Variants in ADAMTS16 observed in about 807,000 individuals in gnomAD.
ADAMTS16 encodes A disintegrin and metalloproteinase with thrombospondin motifs 16.
Under a neutral mutation model 145.8 loss-of-function variants are expected in ADAMTS16, and 94 were observed. That is an observed-to-expected ratio of 0.64 (90% CI 0.55 to 0.77). ADAMTS16 has a LOEUF of 0.77. Ranked by LOEUF, ADAMTS16 falls within the 30% of genes least tolerant of loss-of-function variation. The pLI, the probability that ADAMTS16 is intolerant of heterozygous loss-of-function variation, is 0.00. For missense variants in ADAMTS16, 1,585 were observed against 1,591.5 expected (o/e 1.00, Z 0.07); for synonymous variants, 659 against 604.3 (o/e 1.09, Z -1.33).
intron 8 of ADAMTS16, among the ~76,000 whole-genome samples, chr5:5,196,589 T>C (rs895248677): frequency 6.6e-6 from 1 of 152,228 alleles, no homozygotes; most frequent in Non-Finnish European, 1.5e-5. Flanking sequence ...TAGGATTTCT[T>C]GTCTGTTTCT....
rs1159149996 is a variant in ADAMTS16, at chr5:5,319,859, A to T, written c.*721A>T. ...TCATGCATTGAAGGAGAGATTTTTT[A>T]TACTTTATGTTTTATCTTTCTCAGT... is the stretch of plus-strand genomic sequence containing the variant. On this transcript the variant is annotated 3_prime_UTR_variant, in exon 23 of 23. Coordinates refer to ENST00000274181, the MANE Select transcript of ADAMTS16 (RefSeq NM_139056.4). 1 of 455,524 alleles carries T rather than the reference A, an allele frequency of 2.2e-6. No homozygotes were observed. The highest frequency in any genetic ancestry group is 4.4e-6 in the Non-Finnish European group (1 of 226,644). The allele number at this position is 455,524 out of a possible 1,614,324, so 28.2% of individuals were successfully genotyped here. A position where few individuals can be genotyped will look rare whatever the true frequency, so the allele number is the denominator to read the frequency against.
At chr5:5,171,319 T>G (rs1057201224) in intron 3 of ADAMTS16, among the ~76,000 whole-genome samples, 1 of 152,212 alleles carries the variant, frequency 6.6e-6, no homozygotes, top group African/African-American at 2.4e-5. Context: ...TGGATAACAG[T>G]GGTAAAAGTG....
Position 5,140,442 on chromosome 5 carries a change from C to T in ADAMTS16, c.-26C>T, listed in dbSNP as rs762864534. The T allele has an allele frequency of 1.3e-6, 2 of 1,500,344 alleles. No homozygotes were observed. Among genetic ancestry groups the T allele is most frequent in the Non-Finnish European group, 1.8e-6 (2 of 1,132,858 alleles). 92.9% of individuals were successfully genotyped at this position (1,500,344 alleles called of 1,614,324 possible). ...CTGCCGGCCGGGGACCCTCCGGTGG[C>T]CCCTAGCCCCTCGGAGCGCTCCTGG... On this transcript the variant is annotated 5_prime_UTR_variant, in exon 1 of 23. Coordinates refer to ENST00000274181, the MANE Select transcript of ADAMTS16 (RefSeq NM_139056.4).
At chr5:5,249,051 G>A (rs1737541639) in intron 17 of ADAMTS16, among the ~76,000 whole-genome samples, 2 of 152,328 alleles carry the variant, frequency 1.3e-5, no homozygotes, top group Non-Finnish European at 1.5e-5. Context: ...CCAGAGAGGT[G>A]TCTTCCAGTC....
At chr5:5,159,045 C>A (rs1734677201) in intron 3 of ADAMTS16, among the ~76,000 whole-genome samples, 1 of 152,222 alleles carries the variant, frequency 6.6e-6, no homozygotes, top group Non-Finnish European at 1.5e-5. Context: ...TCAACATTTA[C>A]CTTGTTTGGT....
chr5:5,197,243 T>C (rs1735829479), intron 8 of ADAMTS16, among the ~76,000 whole-genome samples: 1 of 152,250 alleles, frequency 6.6e-6, no homozygotes, highest in Non-Finnish European at 1.5e-5. Context: ...TTATTCAGCA[T>C]TCTCAGTATA....
At chr5:5,270,942 C>T (rs976155549) in intron 18 of ADAMTS16, among the ~76,000 whole-genome samples, 24 of 152,148 alleles carry the variant, frequency 1.6e-4, no homozygotes, top group African/African-American at 5.3e-4. Flanking sequence ...GGGAATAAGC[C>T]GCACTCTCCT....
At chr5:5,218,073 A>C (rs758063821) in intron 10 of ADAMTS16, among the ~76,000 whole-genome samples, 1 of 152,242 alleles carries the variant, frequency 6.6e-6, no homozygotes, top group Non-Finnish European at 1.5e-5. Flanking sequence ...GAAGACTCTG[A>C]AGTTTCATTA....
chr5:5,279,390 C>G (rs569441550), intron 18 of ADAMTS16, among the ~76,000 whole-genome samples: 3 of 152,320 alleles, frequency 2.0e-5, no homozygotes, highest in South Asian at 4.1e-4. Context: ...CCTCTAATCC[C>G]CAGTCCTTCA....
rs114237701 is a variant in ADAMTS16, at chr5:5,298,158, G to A, written c.2790-5110G>A. ...AACCAACTGTGGCTGGGAGGGATGA[G>A]CTGGCATGTTGCTGTCATTTCTGAT... On this transcript the variant is annotated intron_variant, in intron 18 of 22. Transcript: ENST00000274181. Among the ~76,000 whole-genome samples, 797 of 152,288 alleles carry A rather than the reference G, an allele frequency of 5.2e-3. 3 individuals are homozygous for A. The highest frequency in any genetic ancestry group is 8.6e-3 in the Non-Finnish European group (586 of 68,012).
Position 5,146,139 on chromosome 5 carries a change from T to C in ADAMTS16, c.185T>C (p.Leu62Pro). Reference sequence around the variant, plus strand: ...ACTCTTTTGATTTCAGAATATGACCTGGTCTCTGCCTACGAGGTTGACCAC... The same window carrying C: ...ACTCTTTTGATTTCAGAATATGACCCGGTCTCTGCCTACGAGGTTGACCAC... ...PGWMEKGEYD[L>P]VSAYEVDHRG... Residue 62 changes from leucine (L) to proline (P), a missense_variant, in exon 3 of 23, where the codon CTG becomes CCG. Physicochemically the swap from Leu to Pro is moderately conservative, Grantham distance 98 (BLOSUM62 -3). Transcript: ENST00000274181. 1 of 1,613,366 alleles carries C rather than the reference T, an allele frequency of 6.2e-7. No individual in the cohort carries two copies. Among genetic ancestry groups the C allele is most frequent in the Non-Finnish European group, 8.5e-7 (1 of 1,179,294 alleles).
chr5:5,184,833 G>A (rs918223812), intron 4 of ADAMTS16, among the ~76,000 whole-genome samples: 1 of 152,106 alleles, frequency 6.6e-6, no homozygotes, highest in Non-Finnish European at 1.5e-5. Context: ...CTGAGGGCCT[G>A]TAGCTGCTGA....
At chr5:5,271,806 C>T (rs886669239) in intron 18 of ADAMTS16, among the ~76,000 whole-genome samples, 4 of 152,114 alleles carry the variant, frequency 2.6e-5, no homozygotes, top group African/African-American at 7.2e-5. Context: ...GATCACATAT[C>T]GTGATCAAAT....
intron 3 of ADAMTS16, among the ~76,000 whole-genome samples, chr5:5,158,496 A>ACTCCC (rs140702879): frequency 0.19 from 28,709 of 151,808 alleles, 3,057 homozygotes; most frequent in Middle Eastern, 0.28. Flanking sequence ...GGAAGCATAC[A>ACTCCC]CTCCCCAATC....
At chr5:5,296,948 G>A (rs908372682) in intron 18 of ADAMTS16, among the ~76,000 whole-genome samples, 2 of 152,328 alleles carry the variant, frequency 1.3e-5, no homozygotes, top group South Asian at 2.1e-4. Flanking sequence ...GGGCACAGAA[G>A]CGGCAAGGGA....
At chr5:5,176,943 T>A (rs892575575) in intron 3 of ADAMTS16, among the ~76,000 whole-genome samples, 8 of 152,148 alleles carry the variant, frequency 5.3e-5, no homozygotes, top group African/African-American at 1.9e-4. Context: ...ACTGATCCAG[T>A]TTAGCCAGGC....
At chr5:5,303,195 A>T in intron 18 of ADAMTS16, 73 bp from the exon 19 acceptor site, 1 of 1,428,310 alleles carries the variant, frequency 7.0e-7, no homozygotes, top group Non-Finnish European at 9.3e-7. Flanking sequence ...CGCTGCCTCC[A>T]CATCAGATGT....
chr5:5,187,132 C>T (rs1458270762), intron 5 of ADAMTS16, among the ~76,000 whole-genome samples: 1 of 152,196 alleles, frequency 6.6e-6, no homozygotes, highest in Non-Finnish European at 1.5e-5. Context: ...GAAGTGTTTG[C>T]CTCTCTTCTG....
chr5:5,222,921 A>C (rs1332268534), intron 11 of ADAMTS16, 37 bp downstream of exon 11: 1 of 1,589,724 alleles, frequency 6.3e-7, no homozygotes, highest in Non-Finnish European at 8.6e-7. Flanking sequence ...TCGTATTCAG[A>C]TGCTAGTCTT....
Sources: gnomAD v4.1 joint callset for allele counts (sites outside exome capture counted in the v4.1 genomes callset) on GRCh38, gnomAD v4.1.1 for gene constraint, MANE v1.5 for transcripts, NCBI Gene and HGNC (gene_info 2026-07-23, HGNC 2026-07-21) for gene names.